The following MOB3B variants were observed in gnomAD, a reference collection of about 807,000 sequenced individuals.
The protein encoded by MOB3B is MOB kinase activator 3B.
Under a neutral mutation model 18.7 loss-of-function variants are expected in MOB3B, and 7 were observed. That is an observed-to-expected ratio of 0.37 (90% CI 0.21 to 0.70). MOB3B has a LOEUF of 0.70. Among genes scored for constraint, MOB3B ranks in the 30% least tolerant of loss-of-function variants. MOB3B has a pLI of 0.52. For synonymous variants in MOB3B, 111 were observed against 99.9 expected, an observed-to-expected ratio of 1.11 and a Z score of -0.66; for missense variants, 253 against 281.3, an observed-to-expected ratio of 0.90 and a Z score of 0.72.
In MOB3B at chr9:27,325,867, G is replaced by A. The variant is rs1820702927; in HGVS notation, c.*4720C>T. On this transcript the variant is annotated 3_prime_UTR_variant, in exon 4 of 4. Coordinates refer to ENST00000262244, the MANE Select transcript of MOB3B (RefSeq NM_024761.5). Reference sequence around the variant, plus strand: ...ACATAAGGTTTAGAGAACATAGGAAGCAATTTGCTTCCATCAATAACCAGA... The same window carrying A: ...ACATAAGGTTTAGAGAACATAGGAAACAATTTGCTTCCATCAATAACCAGA... 1.3e-5 allele frequency: 2 copies of A among 151,936 alleles called. No homozygotes were observed. The highest frequency in any genetic ancestry group is 4.1e-4 in the South Asian group (2 of 4,828). The allele number at this position is 151,936 out of a possible 1,614,324, so 9.4% of individuals were successfully genotyped here.
At chr9:27,409,479 G>C (rs1159880726) in intron 2 of MOB3B, among the ~76,000 whole-genome samples, 1 of 152,180 alleles carries the variant, frequency 6.6e-6, no homozygotes, top group African/African-American at 2.4e-5. Context: ...ATATACTGCT[G>C]GTAGAAATGT....
intron 2 of MOB3B, among the ~76,000 whole-genome samples, chr9:27,392,954 T>C (rs1302356265): frequency 6.6e-6 from 1 of 152,234 alleles, no homozygotes; most frequent in African/African-American, 2.4e-5. Flanking sequence ...AAGACCCTTG[T>C]TGGACTTGAG....
intron 2 of MOB3B, among the ~76,000 whole-genome samples, chr9:27,380,380 A>C (rs977944023): frequency 3.3e-5 from 5 of 151,248 alleles, no homozygotes; most frequent in Admixed American, 1.3e-4. Context: ...CTGGGACTAC[A>C]GACGCCCGCC....
intron 2 of MOB3B, among the ~76,000 whole-genome samples, chr9:27,380,791 T>C (rs1821567762): frequency 6.6e-6 from 1 of 151,452 alleles, no homozygotes; most frequent in South Asian, 2.1e-4. Flanking sequence ...CCCCTCATAG[T>C]TCCTAACCCC....
intron 3 of MOB3B, among the ~76,000 whole-genome samples, chr9:27,345,255 G>C (rs1013387104): frequency 6.6e-6 from 1 of 152,122 alleles, no homozygotes; most frequent in African/African-American, 2.4e-5. Context: ...TGGGCACTGT[G>C]GATGTGTTGC....
intron 2 of MOB3B, among the ~76,000 whole-genome samples, chr9:27,440,437 T>C (rs1822575817): frequency 6.6e-6 from 1 of 152,090 alleles, no homozygotes; most frequent in Non-Finnish European, 1.5e-5. Context: ...TTGGCTGATG[T>C]TTGGTACTCT....
chr9:27,362,233 G>T (rs1821284023), intron 2 of MOB3B, among the ~76,000 whole-genome samples: 1 of 152,054 alleles, frequency 6.6e-6, no homozygotes, highest in Admixed American at 6.5e-5. Flanking sequence ...TTTGCAATCT[G>T]GAAGACCTAG....
At chr9:27,438,529 T>A (rs1822546781) in intron 2 of MOB3B, among the ~76,000 whole-genome samples, 1 of 152,144 alleles carries the variant, frequency 6.6e-6, no homozygotes, top group Non-Finnish European at 1.5e-5. Context: ...ATTTATTGGG[T>A]AATTTTAACA....
chr9:27,364,959 A>G (rs1313253832), intron 2 of MOB3B, among the ~76,000 whole-genome samples: 1 of 152,034 alleles, frequency 6.6e-6, no homozygotes, highest in African/African-American at 2.4e-5. Flanking sequence ...ACCTTGCATT[A>G]TTTTCTACTA....
chr9:27,466,518 C>T (rs1399452263), intron 1 of MOB3B, among the ~76,000 whole-genome samples: 4 of 152,162 alleles, frequency 2.6e-5, no homozygotes, highest in African/African-American at 9.7e-5. Flanking sequence ...TTTTCAGCAA[C>T]GCCTCACTCT....
chr9:27,461,598 G>A (rs187532646), intron 1 of MOB3B, among the ~76,000 whole-genome samples: 67 of 152,362 alleles, frequency 4.4e-4, no homozygotes, highest in African/African-American at 1.5e-3. Context: ...ACAAATAGGT[G>A]TAACCGTACA....
At chr9:27,524,639 C>G in intron 1 of MOB3B, 1 of 1,614,070 alleles carries the variant, frequency 6.2e-7, no homozygotes, top group South Asian at 1.1e-5. Flanking sequence ...TCAGCCAACA[C>G]ACCTTCAAAT....
intron 3 of MOB3B, among the ~76,000 whole-genome samples, chr9:27,335,018 G>C (rs886728268): frequency 3.9e-5 from 6 of 152,080 alleles, no homozygotes; most frequent in Non-Finnish European, 7.4e-5. Flanking sequence ...AGTTAGCCAG[G>C]ATGGTCTCGA....
intron 2 of MOB3B, among the ~76,000 whole-genome samples, chr9:27,398,295 A>G (rs1379642365): frequency 6.6e-6 from 1 of 152,202 alleles, no homozygotes; most frequent in Non-Finnish European, 1.5e-5. Context: ...CCTTCAGGAT[A>G]TAACATTTGC....
At position 27,327,518 on chromosome 9, in the gene MOB3B, T is replaced by C. The variant is rs1402174620; in HGVS notation, c.*3069A>G. 6.6e-6 allele frequency: 1 copy of C among 151,910 alleles called. No homozygotes were observed. Among genetic ancestry groups the C allele is most frequent in the East Asian group, 1.9e-4 (1 of 5,188 alleles). 9.4% of individuals were successfully genotyped at this position (151,910 alleles called of 1,614,324 possible). A position where few individuals can be genotyped will look rare whatever the true frequency, so the allele number is the denominator to read the frequency against. ...GGACATTCCACAAACTTGCCTGAACTCTTTAATAATGTCAGTGTCATGAAA... is the reference window on the plus strand; with the variant it reads ...GGACATTCCACAAACTTGCCTGAACCCTTTAATAATGTCAGTGTCATGAAA... On this transcript the variant is annotated 3_prime_UTR_variant, in exon 4 of 4. Coordinates refer to ENST00000262244, the MANE Select transcript of MOB3B (RefSeq NM_024761.5).
chr9:27,511,795 C>G (rs888333119), intron 1 of MOB3B, among the ~76,000 whole-genome samples: 3 of 152,104 alleles, frequency 2.0e-5, no homozygotes, highest in African/African-American at 7.2e-5. Flanking sequence ...CCCCATTATG[C>G]CAGCCCAACC....
At chr9:27,351,553 A>C (rs1360745820) in intron 3 of MOB3B, among the ~76,000 whole-genome samples, 1 of 152,262 alleles carries the variant, frequency 6.6e-6, no homozygotes, top group African/African-American at 2.4e-5. Context: ...TTCTGGCTGA[A>C]GGCCAAGGAA....
intron 2 of MOB3B, among the ~76,000 whole-genome samples, chr9:27,405,917 A>T (rs1487044548): frequency 6.6e-6 from 1 of 152,232 alleles, no homozygotes; most frequent in African/African-American, 2.4e-5. Flanking sequence ...GTATAGAAGG[A>T]ACATACCTCA....
intron 2 of MOB3B, chr9:27,378,328 A>G (rs895676241): frequency 1.1e-5 from 5 of 470,900 alleles, no homozygotes; most frequent in Non-Finnish European, 2.2e-5. Context: ...GCATCTGGAC[A>G]TGGGTAAAAA....
Sources: allele counts gnomAD v4.1 joint callset (sites outside exome capture counted in the v4.1 genomes callset), GRCh38; gene constraint gnomAD v4.1.1; transcripts MANE v1.5; gene names NCBI Gene and HGNC (gene_info 2026-07-23, HGNC 2026-07-21).